Variants in ATF7 observed in about 807,000 individuals in gnomAD.
ATF7 encodes activating transcription factor 7.
In ATF7, 10 loss-of-function variants were observed where a neutral mutation model predicts 50.4. The ratio of observed to expected loss-of-function variants is 0.20; its 90% CI spans 0.12 to 0.34. The LOEUF is 0.34. Among genes scored for constraint, ATF7 ranks in the 10% least tolerant of loss-of-function variants. ATF7 has a pLI of 1.00. For missense variants in ATF7, 465 were observed against 613.9 expected (o/e 0.76, Z 2.56); for synonymous variants, 201 against 226.4 (o/e 0.89, Z 1.01).
rs1555216854 is a variant in ATF7 at position 53,529,710 on chromosome 12, T to TATACACACACACACACACAC, written c.927+2033_927+2034insGTGTGTGTGTGTGTGTGTAT. On this transcript the variant is annotated intron_variant, in intron 9 of 11. Coordinates refer to ENST00000420353, the MANE Select transcript of ATF7 (RefSeq NM_006856.3). ...ATATAAATACATATATATATACACA[T>TATACACACACACACACACAC]ACACACACACACACACACACACACA... Among the ~76,000 whole-genome samples the TATACACACACACACACACAC allele has an allele frequency of 1.1e-3, 141 of 132,238 alleles. 3 individuals carry two copies. The highest frequency in any genetic ancestry group is 0.01 in the South Asian group (42 of 4,108). 86.8% of individuals were successfully genotyped at this position (132,238 alleles called of 152,430 possible). A position where few individuals can be genotyped will look rare whatever the true frequency, so the allele number is the denominator to read the frequency against.
intron 1 of ATF7, 48 bp from the exon 2 acceptor site, chr12:53,601,069 C>CAAA: frequency 9.5e-5 from 89 of 940,980 alleles, no homozygotes; most frequent in East Asian, 2.8e-4. Context: ...TATGCTGGAG[C>CAAA]AAAAAAAAAA....
chr12:53,568,199 C>T (rs1221479511), intron 2 of ATF7, among the ~76,000 whole-genome samples: 1 of 152,168 alleles, frequency 6.6e-6, no homozygotes, highest in Admixed American at 6.5e-5. Context: ...ACATACAAGT[C>T]AGTACTGAGA....
intron 4 of ATF7, among the ~76,000 whole-genome samples, chr12:53,539,511 T>G (rs927211165): frequency 1.3e-5 from 2 of 151,798 alleles, no homozygotes; most frequent in Non-Finnish European, 2.9e-5. Flanking sequence ...CTGTGCAACA[T>G]AGTGAGACCC....
intron 4 of ATF7, chr12:53,542,918 G>A: frequency 1.9e-6 from 2 of 1,034,000 alleles, no homozygotes; most frequent in Non-Finnish European, 2.3e-6. Context: ...TTATTGACTT[G>A]CTGATTCAAA....
intron 11 of ATF7, among the ~76,000 whole-genome samples, chr12:53,518,535 G>A (rs1404924961): frequency 1.3e-5 from 2 of 152,226 alleles, no homozygotes; most frequent in African/African-American, 4.8e-5. Context: ...ACAGCTCACA[G>A]CAGCCTTCAA....
chr12:53,607,035 G>A lies in ATF7; in HGVS notation c.-21-6014C>T, dbSNP rs1943644318. Among the ~76,000 whole-genome samples the A allele has an allele frequency of 2.6e-5, 4 of 152,232 alleles. No homozygotes were observed. The South Asian group carries it at 8.3e-4, about 32-fold the overall frequency. ...CCGCTATAAACATACGTGTGCATGT[G>A]TCTTTATAGCAGCATGATTTATAAT... On this transcript the variant is annotated intron_variant, in intron 1 of 11. Coordinates refer to ENST00000420353, the MANE Select transcript of ATF7 (RefSeq NM_006856.3).
In ATF7 at chr12:53,562,409, G is replaced by A. The variant is rs557117326; in HGVS notation, c.49-9772C>T. On this transcript the variant is annotated intron_variant, in intron 2 of 11. Coordinates refer to ENST00000420353, the MANE Select transcript of ATF7 (RefSeq NM_006856.3). ...AATCCCAGCACTTTGAGAGGCCGAGGCGGGCAGATCACCTGAGGTCAGGAA... is the reference window on the plus strand; with the variant it reads ...AATCCCAGCACTTTGAGAGGCCGAGACGGGCAGATCACCTGAGGTCAGGAA... 4.6e-5 allele frequency among the ~76,000 whole-genome samples: 7 copies of A among 152,290 alleles called. No individual in the cohort carries two copies. In the South Asian group the frequency reaches 1.5e-3, roughly 32 times the overall value.
chr12:53,542,107 G>GTTTTGTTTTTTT (rs1209912279), intron 4 of ATF7, among the ~76,000 whole-genome samples: 1 of 101,450 alleles, frequency 9.9e-6, no homozygotes, highest in Non-Finnish European at 1.9e-5. Flanking sequence ...CGCCTGGCCT[G>GTTTTGTTTTTTT]TTTTTTTTTT....
chr12:53,544,572 C>G (rs1939770082), intron 3 of ATF7, among the ~76,000 whole-genome samples: 1 of 152,050 alleles, frequency 6.6e-6, no homozygotes, highest in South Asian at 2.1e-4. Context: ...CATGGTGAAA[C>G]TCCATCTCTA....
Position 53,515,767 on chromosome 12 carries a change from C to A in ATF7, c.*1370G>T, listed in dbSNP as rs1288079860. ...CCTTTCAATCTTATACTCAAGTAAA[C>A]CCACTCAGCATCTTGGCTATGACGC... is the stretch of plus-strand genomic sequence containing the variant. On this transcript the variant is annotated 3_prime_UTR_variant, in exon 12 of 12. Transcript: ENST00000420353. 1 of 152,208 alleles carries A rather than the reference C, an allele frequency of 6.6e-6. No homozygotes were observed. Among genetic ancestry groups the A allele is most frequent in the Admixed American group, 6.6e-5 (1 of 15,266 alleles). The allele number at this position is 152,208 out of a possible 1,614,324, so 9.4% of individuals were successfully genotyped here.
At chr12:53,620,965 T>C (rs1388733764) in intron 1 of ATF7, among the ~76,000 whole-genome samples, 1 of 152,202 alleles carries the variant, frequency 6.6e-6, no homozygotes, top group African/African-American at 2.4e-5. Flanking sequence ...TAGTGAAATA[T>C]TATTTCTCAG....
Position 53,516,908 on chromosome 12 carries a change from A to C in ATF7, c.*229T>G. 1 of 580,054 alleles carries C rather than the reference A, an allele frequency of 1.7e-6. No homozygotes were observed. The allele number at this position is 580,054 out of a possible 1,614,324, so 35.9% of individuals were successfully genotyped here. On this transcript the variant is annotated 3_prime_UTR_variant, in exon 12 of 12. Coordinates refer to ENST00000420353, the MANE Select transcript of ATF7 (RefSeq NM_006856.3). ...TGGCTGTGGATGCATCAGAAACCCC[A>C]CCCTGGGGGATGATCTATGAGGCTC...
chr12:53,561,136 G>A (rs937637734), intron 2 of ATF7, among the ~76,000 whole-genome samples: 3 of 151,622 alleles, frequency 2.0e-5, no homozygotes, highest in Admixed American at 6.6e-5. Context: ...GAGATGGGGT[G>A]TTGCTATGTT....
At chr12:53,525,305 A>G (rs567790189) in intron 9 of ATF7, among the ~76,000 whole-genome samples, 1 of 152,298 alleles carries the variant, frequency 6.6e-6, no homozygotes, top group East Asian at 1.9e-4. Context: ...GTGAGCTGAG[A>G]TCATGCCATT....
chr12:53,532,979 C>T (rs1400857191), intron 7 of ATF7, among the ~76,000 whole-genome samples, 181 bp downstream of exon 7: 1 of 152,196 alleles, frequency 6.6e-6, no homozygotes, highest in Non-Finnish European at 1.5e-5. Context: ...GAGTCTTTAT[C>T]TAGTGTTCCA....
intron 2 of ATF7, among the ~76,000 whole-genome samples, chr12:53,570,304 G>A (rs570735811): frequency 6.6e-6 from 1 of 152,154 alleles, no homozygotes; most frequent in Non-Finnish European, 1.5e-5. Context: ...AAGTGCTAAT[G>A]GGATCCTATT....
intron 1 of ATF7, among the ~76,000 whole-genome samples, chr12:53,608,218 CA>C (rs71444811): frequency 0.36 from 32,442 of 89,036 alleles, 3,492 homozygotes; most frequent in East Asian, 0.62. Context: ...GACTCTGTCT[CA>C]AAAAAAAAAA....
intron 2 of ATF7, chr12:53,575,970 T>A (rs1202885709): frequency 1.3e-5 from 2 of 153,640 alleles, no homozygotes; most frequent in African/African-American, 2.4e-5. Context: ...GGACAAAGGA[T>A]TAGGTATAAA....
intron 1 of ATF7, among the ~76,000 whole-genome samples, chr12:53,614,902 G>A (rs1400172747): frequency 6.6e-6 from 1 of 152,142 alleles, no homozygotes; most frequent in Non-Finnish European, 1.5e-5. Flanking sequence ...CCAGCATGGT[G>A]AAACCCTGTC....
Sources: gnomAD v4.1 joint callset for allele counts (sites outside exome capture counted in the v4.1 genomes callset) on GRCh38, gnomAD v4.1.1 for gene constraint, MANE v1.5 for transcripts, NCBI Gene and HGNC (gene_info 2026-07-23, HGNC 2026-07-21) for gene names.